The following DENND10 variants were observed in gnomAD, a reference collection of about 807,000 sequenced individuals.
The protein encoded by DENND10 is DENN domain-containing protein 10.
A neutral mutation model predicts 43.6 loss-of-function variants in DENND10; 24 were observed. That is an observed-to-expected ratio of 0.55 (90% confidence interval 0.40 to 0.77). The LOEUF is 0.77. Ranked by LOEUF, DENND10 falls within the 30% of genes least tolerant of loss-of-function variation. The probability of loss-of-function intolerance (pLI) is 0.00; values close to 1 mark genes in which losing one functional copy is unlikely to be tolerated. For missense variants in DENND10, 303 were observed against 429.9 expected (o/e 0.70, Z 2.61); for synonymous variants, 125 against 157.6 (o/e 0.79, Z 1.55).
At chr10:119,109,687 C>T (rs1226421131) in intron 2 of DENND10, among the ~76,000 whole-genome samples, 3 of 151,116 alleles carry the variant, frequency 2.0e-5, no homozygotes, top group Middle Eastern at 3.4e-3. Flanking sequence ...AGCATGATCT[C>T]GGCTCACTGC....
intron 1 of DENND10, among the ~76,000 whole-genome samples, chr10:119,107,602 C>T (rs1844759192): frequency 6.6e-6 from 1 of 152,008 alleles, no homozygotes; most frequent in Admixed American, 6.6e-5. Context: ...TGGGGTTTCT[C>T]CAGGTTGGTC....
intron 6 of DENND10, among the ~76,000 whole-genome samples, chr10:119,124,043 A>G (rs990863323): frequency 6.7e-6 from 1 of 149,896 alleles, no homozygotes; most frequent in Non-Finnish European, 1.5e-5. Context: ...AATACAAAAA[A>G]TTAGCTGGGT....
chr10:119,132,667 T>C lies in DENND10; in HGVS notation c.897+58T>C. Reference sequence around the variant, plus strand: ...CCTGACCCGGTGTCGCTGGGTGGTGTGCGGCAGAGCTGTGCACATAAGCAG... The same window carrying C: ...CCTGACCCGGTGTCGCTGGGTGGTGCGCGGCAGAGCTGTGCACATAAGCAG... On this transcript the variant is annotated intron_variant, in intron 8 of 8. Coordinates refer to ENST00000361432, the MANE Select transcript of DENND10 (RefSeq NM_207009.4). This position sits in a 1 kb window ranked among gnomAD's most constrained non-coding sequence, Gnocchi z 4.2. 7.2e-7 allele frequency: 1 copy of C among 1,388,702 alleles called. No individual in the cohort carries two copies. The highest frequency in any genetic ancestry group is 1.2e-5 in the South Asian group (1 of 86,476). 86.0% of individuals were successfully genotyped at this position (1,388,702 alleles called of 1,614,324 possible).
At chr10:119,109,002 G>A (rs940925579) in intron 2 of DENND10, among the ~76,000 whole-genome samples, 1 of 151,766 alleles carries the variant, frequency 6.6e-6, no homozygotes, top group African/African-American at 2.4e-5. Flanking sequence ...ATCACCTGAG[G>A]TTGTGAGTTC....
At chr10:119,127,149 C>T (rs1275284566) in intron 6 of DENND10, among the ~76,000 whole-genome samples, 4 of 151,990 alleles carry the variant, frequency 2.6e-5, no homozygotes, top group Non-Finnish European at 5.9e-5. Context: ...AACAGTCCTC[C>T]CGCCTTGGCC....
chr10:119,135,791 T>A (rs1326696060), intron 8 of DENND10, among the ~76,000 whole-genome samples: 2 of 64,008 alleles, frequency 3.1e-5, no homozygotes, highest in Non-Finnish European at 5.6e-5. Flanking sequence ...ACTAAAATTG[T>A]AAAAAAAAAA....
chr10:119,105,114 G>A (rs899874334), intron 1 of DENND10: 1 of 152,102 alleles, frequency 6.6e-6, no homozygotes, highest in African/African-American at 2.4e-5. Context: ...GGTTCCCTTC[G>A]AAAAAGTTTT....
intron 1 of DENND10, chr10:119,105,556 A>T: frequency 8.9e-7 from 1 of 1,117,990 alleles, no homozygotes; most frequent in Non-Finnish European, 1.1e-6. Flanking sequence ...AAACCTAAGT[A>T]ACTTAGTTTC....
At chr10:119,108,460 C>T (rs377218894) in intron 2 of DENND10, among the ~76,000 whole-genome samples, 30 of 138,710 alleles carry the variant, frequency 2.2e-4, no homozygotes, top group East Asian at 1.3e-3. Context: ...TCCAGCCTGG[C>T]GACAGAGCGA....
At chr10:119,116,059 C>T (rs1264571880) in intron 3 of DENND10, among the ~76,000 whole-genome samples, 5 of 152,084 alleles carry the variant, frequency 3.3e-5, no homozygotes, top group Admixed American at 3.3e-4. Context: ...TCACTGTGCC[C>T]GGCCCTCAAG....
chr10:119,123,896 T>TA (rs950984265), intron 6 of DENND10, among the ~76,000 whole-genome samples: 2 of 150,966 alleles, frequency 1.3e-5, no homozygotes, highest in Admixed American at 6.6e-5. Context: ...TTTTTTAGTT[T>TA]AAAAAAAAAT....
chr10:119,130,835 GGAGT>G (rs746560187), intron 7 of DENND10, among the ~76,000 whole-genome samples: 1 of 152,188 alleles, frequency 6.6e-6, no homozygotes, highest in African/African-American at 2.4e-5. Context: ...TGGCTCCCCA[GGAGT>G]GAGTGACCCG....
Position 119,118,657 on chromosome 10 carries a change from G to A in DENND10, c.481+990G>A, listed in dbSNP as rs116896821. ...CTTAAGTAATTATACTGGGGGACATGGGGGAGTTAATAGACTTTTTTTTTT... is the reference window on the plus strand; with the variant it reads ...CTTAAGTAATTATACTGGGGGACATAGGGGAGTTAATAGACTTTTTTTTTT... On this transcript the variant is annotated intron_variant, in intron 4 of 8. Coordinates refer to ENST00000361432, the MANE Select transcript of DENND10 (RefSeq NM_207009.4). 3.9e-4 allele frequency among the ~76,000 whole-genome samples: 59 copies of A among 152,104 alleles called. No individual in the cohort carries two copies. In the East Asian group the frequency reaches 0.011, roughly 29 times the overall value.
chr10:119,110,866 G>A (rs920189266), intron 2 of DENND10, among the ~76,000 whole-genome samples: 2 of 152,152 alleles, frequency 1.3e-5, no homozygotes, highest in Admixed American at 6.6e-5. Flanking sequence ...CTTTTATAAC[G>A]AAGAACAATT....
chr10:119,129,750 C>A, intron 7 of DENND10, 128 bp downstream of exon 7: 1 of 662,254 alleles, frequency 1.5e-6, no homozygotes. Flanking sequence ...ATTTCCGTGT[C>A]TAGAACACAA....
chr10:119,118,490 C>T (rs902936766), intron 4 of DENND10, among the ~76,000 whole-genome samples: 2 of 152,264 alleles, frequency 1.3e-5, no homozygotes, highest in Middle Eastern at 3.4e-3. Flanking sequence ...GAGCAGGAGG[C>T]GAGGGGAACT....
chr10:119,127,431 G>C (rs1564796738), intron 6 of DENND10, among the ~76,000 whole-genome samples: 1 of 151,962 alleles, frequency 6.6e-6, no homozygotes, highest in Non-Finnish European at 1.5e-5. Flanking sequence ...CTGGCTCTCA[G>C]TAGTAGGTTT....
chr10:119,111,765 C>T, intron 2 of DENND10, 84 bp from the exon 3 acceptor site: 3 of 1,080,224 alleles, frequency 2.8e-6, no homozygotes, highest in Middle Eastern at 2.0e-4. Flanking sequence ...GTGTCTTATA[C>T]AAAAGGTTTG....
chr10:119,111,623 T>C (rs1461209773), intron 2 of DENND10, among the ~76,000 whole-genome samples: 5 of 152,088 alleles, frequency 3.3e-5, no homozygotes, highest in African/African-American at 1.2e-4. Flanking sequence ...TTCTGAAAAT[T>C]TTTTCTCTAA....
Sources: allele counts gnomAD v4.1 joint callset (sites outside exome capture counted in the v4.1 genomes callset), GRCh38; gene constraint gnomAD v4.1.1; non-coding constraint Gnocchi (gnomAD v3.1); transcripts MANE v1.5; gene names NCBI Gene and HGNC (gene_info 2026-07-23, HGNC 2026-07-21).